Variants in CFAP53 observed in about 807,000 individuals in gnomAD.
CFAP53 encodes the protein cilia and flagella associated protein 53, also known as cilia- and flagella-associated protein 53.
A neutral mutation model predicts 59.7 loss-of-function variants in CFAP53; 62 were observed. The ratio of observed to expected loss-of-function variants is 1.04; its 90% CI spans 0.85 to 1.28. The LOEUF is 1.28. Among genes scored for constraint, CFAP53 ranks in the 50% most tolerant of loss-of-function variants. The probability of loss-of-function intolerance (pLI) is 0.00; values close to 1 mark genes in which losing one functional copy is unlikely to be tolerated. For missense variants in CFAP53, 629 were observed against 615.6 expected (o/e 1.02, Z -0.23); for synonymous variants, 218 against 205.7 (o/e 1.06, Z -0.51).
At chr18:50,255,320 A>C (rs914168747) in intron 3 of CFAP53, among the ~76,000 whole-genome samples, 1 of 152,212 alleles carries the variant, frequency 6.6e-6, no homozygotes, top group African/African-American at 2.4e-5. Flanking sequence ...CTAGAAGAGT[A>C]ACATGAAGGA....
Position 50,246,909 on chromosome 18 carries a change from G to C in CFAP53, c.997-3793C>G, listed in dbSNP as rs139805295. On this transcript the variant is annotated intron_variant, in intron 5 of 7. Coordinates refer to ENST00000398545, the MANE Select transcript of CFAP53 (RefSeq NM_145020.5). ...AAAAATACAAAAAAATTAGCCAGGCGTGGTGGCAGGCACCTGTAATCCCAG... is the reference window on the plus strand; with the variant it reads ...AAAAATACAAAAAAATTAGCCAGGCCTGGTGGCAGGCACCTGTAATCCCAG... Among the ~76,000 whole-genome samples, 852 of 152,140 alleles carry C rather than the reference G, an allele frequency of 5.6e-3. 7 individuals are homozygous for C. The highest frequency in any genetic ancestry group is 0.019 in the African/African-American group (795 of 41,492).
chr18:50,228,092 G>A (rs2033544487), intron 7 of CFAP53, among the ~76,000 whole-genome samples: 1 of 151,888 alleles, frequency 6.6e-6, no homozygotes, highest in African/African-American at 2.4e-5. Flanking sequence ...CCAAGCAGCT[G>A]GGATTGCAGG....
At chr18:50,242,825 GGTTGTTA>G in intron 6 of CFAP53, 68 bp downstream of exon 6, 2 of 1,179,264 alleles carry the variant, frequency 1.7e-6, no homozygotes, top group African/African-American at 3.0e-5. Flanking sequence ...TAAGTATTAT[GGTTGTTA>G]GTATTTTGGT....
intron 2 of CFAP53, 44 bp from the exon 3 acceptor site, chr18:50,261,281 C>T (rs1196088836): frequency 7.0e-7 from 1 of 1,433,336 alleles, no homozygotes. Flanking sequence ...AGAAAACTGT[C>T]ATGCTACATG....
intron 6 of CFAP53, among the ~76,000 whole-genome samples, chr18:50,241,577 G>A (rs1375964238): frequency 2.0e-5 from 3 of 152,152 alleles, no homozygotes; most frequent in African/African-American, 7.2e-5. Context: ...GAAATAAAGA[G>A]AAAGAGTACA....
intron 5 of CFAP53, among the ~76,000 whole-genome samples, chr18:50,245,062 CAAAAAAA>C (rs11358725): frequency 1.2e-5 from 1 of 81,692 alleles, no homozygotes; most frequent in Non-Finnish European, 2.4e-5. Flanking sequence ...GACTCTATCT[CAAAAAAA>C]AAAAAAAAAA....
In CFAP53 at chr18:50,243,104, T is replaced by C. The variant is rs2033708132; in HGVS notation, c.1009A>G (p.Arg337Gly). The part of the protein sequence containing the change: ...KKKQKREDMI[R>G]EQKIYHKYLA... ...TATTTATGGTATATCTTCTGTTCTC[T>C]TATCATATCTTCCTATGTAACATAA... The change falls in exon 6 of 8, where the codon AGA (arginine) becomes GGA (glycine). Residue 337 changes from arginine to glycine, a missense_variant. Transcript: ENST00000398545. 6.2e-7 allele frequency: 1 copy of C among 1,609,856 alleles called. No individual in the cohort carries two copies. The highest frequency in any genetic ancestry group is 8.5e-7 in the Non-Finnish European group (1 of 1,177,122).
rs528245780 is a variant in CFAP53, at chr18:50,237,753, G to A, written c.1316+850C>T. ...TGCCTGTTTCCCCCACCTGAGCCTG[G>A]TTGTGGTGATCAGAAGGACACTAAC... On this transcript the variant is annotated intron_variant, in intron 7 of 7. Transcript: ENST00000398545. 2.1e-4 allele frequency among the ~76,000 whole-genome samples: 32 copies of A among 152,234 alleles called. No homozygotes were observed. In the South Asian group the frequency reaches 4.6e-3, roughly 22 times the overall value.
chr18:50,246,235 A>G (rs1254667205), intron 5 of CFAP53, among the ~76,000 whole-genome samples: 1 of 152,208 alleles, frequency 6.6e-6, no homozygotes, highest in Non-Finnish European at 1.5e-5. Context: ...AGCTACGGTA[A>G]TCAAGACATA....
intron 3 of CFAP53, among the ~76,000 whole-genome samples, chr18:50,255,345 T>C (rs2033837434): frequency 6.6e-6 from 1 of 152,174 alleles, no homozygotes; most frequent in Admixed American, 6.5e-5. Flanking sequence ...TTTGCAGTGA[T>C]GGAATAGTTC....
chr18:50,237,502 G>C lies in CFAP53; in HGVS notation c.1316+1101C>G, dbSNP rs113674110. Among the ~76,000 whole-genome samples, 942 of 150,420 alleles carry C rather than the reference G, an allele frequency of 6.3e-3. 6 individuals are homozygous for C. The highest frequency in any genetic ancestry group is 0.022 in the African/African-American group (890 of 40,970). On this transcript the variant is annotated intron_variant, in intron 7 of 7. Transcript: ENST00000398545. ...GTTGTTGTTTGTGACCCCAAAGTGA[G>C]AATAAGATCAGGCACATTAACCATA...
Position 50,251,479 on chromosome 18 carries a change from A to G in CFAP53, c.777+2T>C, listed in dbSNP as rs751784244. Reference sequence around the variant, plus strand: ...CCTCTAACAAGCATTTTAAAGGCCCACCACAAGGCGTGCCTCCTCTTCCTT... The same window carrying G: ...CCTCTAACAAGCATTTTAAAGGCCCGCCACAAGGCGTGCCTCCTCTTCCTT... On this transcript the variant is annotated splice_donor_variant, in intron 4 of 7. Coordinates refer to ENST00000398545, the MANE Select transcript of CFAP53 (RefSeq NM_145020.5). LOFTEE classifies it high-confidence loss of function. The G allele has an allele frequency of 8.1e-6, 13 of 1,610,746 alleles. No homozygotes were observed. The South Asian group carries it at 1.4e-4, about 18-fold the overall frequency.
chr18:50,238,461 A>G, intron 7 of CFAP53, 142 bp downstream of exon 7: 1 of 578,498 alleles, frequency 1.7e-6, no homozygotes, highest in East Asian at 3.0e-5. Flanking sequence ...TATACTGCCC[A>G]GGCTAATCTC....
intron 3 of CFAP53, among the ~76,000 whole-genome samples, chr18:50,252,223 C>G (rs1030745067): frequency 6.6e-6 from 1 of 152,120 alleles, no homozygotes; most frequent in African/African-American, 2.4e-5. Flanking sequence ...CCTGCCTCAG[C>G]CTTCTGAGTA....
At position 50,242,986 on chromosome 18, in the gene CFAP53, T is replaced by C; in HGVS notation, c.1127A>G (p.Asp376Gly). The C allele has an allele frequency of 6.2e-7, 1 of 1,614,106 alleles. No individual in the cohort carries two copies. Among genetic ancestry groups the C allele is most frequent in the Non-Finnish European group, 8.5e-7 (1 of 1,180,014 alleles). The change falls in exon 6 of 8, where the codon GAC becomes GGC. Residue 376 changes from aspartate (D) to glycine (G), a missense_variant. Coordinates refer to ENST00000398545, the MANE Select transcript of CFAP53 (RefSeq NM_145020.5). The stretch of plus-strand genomic sequence containing the variant: ...CTCCTTTTCAAGTCTCAGCTCCTTG[T>C]CCTTCTCAGCCAACTTCTTTGCCTT... ...EDKAKKLAEK[D>G]KELRLEKEAR...
chr18:50,236,771 T>C (rs1790450), intron 7 of CFAP53, among the ~76,000 whole-genome samples: 147,566 of 152,292 alleles, frequency 0.97, 71,645 homozygotes, highest in East Asian at 1. Flanking sequence ...CTGACTTCAA[T>C]GACATGAGAT....
intron 5 of CFAP53, among the ~76,000 whole-genome samples, chr18:50,248,556 G>A (rs2033767725): frequency 6.6e-6 from 1 of 152,112 alleles, no homozygotes; most frequent in Non-Finnish European, 1.5e-5. Flanking sequence ...GGCTAAGGTG[G>A]GTGGGTCACT....
Position 50,227,329 on chromosome 18 carries a change from T to A in CFAP53, c.*52A>T. 3 of 1,413,944 alleles carry A rather than the reference T, an allele frequency of 2.1e-6. No homozygotes were observed. The highest frequency in any genetic ancestry group is 2.8e-5 in the African/African-American group (2 of 70,758). The allele number at this position is 1,413,944 out of a possible 1,614,324, so 87.6% of individuals were successfully genotyped here. A position where few individuals can be genotyped will look rare whatever the true frequency, so the allele number is the denominator to read the frequency against. On this transcript the variant is annotated 3_prime_UTR_variant, in exon 8 of 8. Coordinates refer to ENST00000398545, the MANE Select transcript of CFAP53 (RefSeq NM_145020.5). ...AGTTAAAAGAAGCATACAAGCATAC[T>A]GTAGTTAAAAATATTAAAAGACCAA...
intron 3 of CFAP53, among the ~76,000 whole-genome samples, chr18:50,259,460 G>T (rs370798422): frequency 4.6e-5 from 7 of 151,586 alleles, no homozygotes; most frequent in African/African-American, 1.7e-4. Context: ...GAAGGATAGT[G>T]GGGGGTTGGG....
Sources: gnomAD v4.1 joint callset for allele counts (sites outside exome capture counted in the v4.1 genomes callset) on GRCh38, gnomAD v4.1.1 for gene constraint, MANE v1.5 for transcripts, NCBI Gene and HGNC (gene_info 2026-07-23, HGNC 2026-07-21) for gene names.